CNTNAP2: variants seen among roughly 807,000 people sequenced by gnomAD.
CNTNAP2 encodes contactin associated protein 2.
In CNTNAP2, 98 loss-of-function variants were observed where a neutral mutation model predicts 155.2. That is an observed-to-expected ratio of 0.63 (90% CI 0.54 to 0.75). The LOEUF (loss-of-function observed/expected upper bound fraction) is 0.75, where lower values mean the gene tolerates loss of function less well. Among genes scored for constraint, CNTNAP2 ranks in the 30% least tolerant of loss-of-function variants. The pLI, the probability that CNTNAP2 is intolerant of heterozygous loss-of-function variation, is 0.00. For synonymous variants in CNTNAP2, 651 were observed against 631.2 expected, an observed-to-expected ratio of 1.03 and a Z score of -0.47; for missense variants, 1,727 against 1,688.1, an observed-to-expected ratio of 1.02 and a Z score of -0.40.
At chr7:146,781,236 A>AAC (rs990146926) in intron 2 of CNTNAP2, among the ~76,000 whole-genome samples, 28 of 151,618 alleles carry the variant, frequency 1.8e-4, no homozygotes, top group Non-Finnish European at 3.5e-4. Flanking sequence ...TCAAAAAAAA[A>AAC]AAAACAAAAA....
At chr7:147,659,145 A>C (rs979213973) in intron 13 of CNTNAP2, among the ~76,000 whole-genome samples, 2 of 152,192 alleles carry the variant, frequency 1.3e-5, no homozygotes, top group African/African-American at 4.8e-5. Flanking sequence ...GGAAAGGAAA[A>C]TCTGGGTGGA....
chr7:147,975,139 A>ATT (rs1404856195), intron 14 of CNTNAP2, among the ~76,000 whole-genome samples: 1 of 150,656 alleles, frequency 6.6e-6, no homozygotes, highest in Non-Finnish European at 1.5e-5. Flanking sequence ...TATTTTTTGT[A>ATT]TTATATATAC....
chr7:148,391,676 G>A (rs1799353433), intron 22 of CNTNAP2, among the ~76,000 whole-genome samples: 1 of 152,166 alleles, frequency 6.6e-6, no homozygotes, highest in Non-Finnish European at 1.5e-5. Flanking sequence ...TCAGAATTAT[G>A]GACTCTGTTG....
In CNTNAP2 at chr7:147,035,903, A is replaced by C. The variant is rs143610678; in HGVS notation, c.403-8004A>C. 3.3e-3 allele frequency among the ~76,000 whole-genome samples: 509 copies of C among 152,332 alleles called. 1 individual carries two copies. Among genetic ancestry groups the C allele is most frequent in the African/African-American group, 0.012 (491 of 41,584 alleles). On this transcript the variant is annotated intron_variant, in intron 3 of 23. Coordinates refer to ENST00000361727, the MANE Select transcript of CNTNAP2 (RefSeq NM_014141.6). ...TGTTAGTTCATGCATCATACATAGC[A>C]TACTTCTAGTACTTTATATAGTCTC...
rs1030490219 is a variant in CNTNAP2, at chr7:146,193,316, C to T, written c.97+76343C>T. Reference sequence around the variant, plus strand: ...TCCAACCCCACATTTCTCTTCTGCACTGCCCTAGCAGAGGTTTTCCATGAG... The same window carrying T: ...TCCAACCCCACATTTCTCTTCTGCATTGCCCTAGCAGAGGTTTTCCATGAG... On this transcript the variant is annotated intron_variant, in intron 1 of 23. Transcript: ENST00000361727. Among the ~76,000 whole-genome samples the T allele has an allele frequency of 1.6e-4, 25 of 152,324 alleles. No individual in the cohort carries two copies. The South Asian group carries it at 3.1e-3, about 19-fold the overall frequency.
chr7:146,837,302 A>C (rs1009932043), intron 2 of CNTNAP2, among the ~76,000 whole-genome samples: 1 of 152,010 alleles, frequency 6.6e-6, no homozygotes, highest in East Asian at 1.9e-4. Context: ...ATGGCCCTAC[A>C]TTCTAGTACA....
At chr7:147,165,742 TTGA>T (rs1373041725) in intron 8 of CNTNAP2, among the ~76,000 whole-genome samples, 6 of 152,334 alleles carry the variant, frequency 3.9e-5, no homozygotes, top group African/African-American at 1.4e-4. Flanking sequence ...CTTTCCCAAC[TTGA>T]TGTTTTTGTT....
intron 1 of CNTNAP2, among the ~76,000 whole-genome samples, chr7:146,737,382 TG>T (rs1801638901): frequency 6.6e-6 from 1 of 152,116 alleles, no homozygotes; most frequent in African/African-American, 2.4e-5. Context: ...TTATAACTTC[TG>T]TTAACTGAAA....
At chr7:146,692,460 T>C (rs1033633527) in intron 1 of CNTNAP2, among the ~76,000 whole-genome samples, 6 of 152,156 alleles carry the variant, frequency 3.9e-5, no homozygotes, top group African/African-American at 1.2e-4. Flanking sequence ...AGCCAGAGCA[T>C]GAAATTGGGC....
At chr7:147,217,780 C>T (rs1803306578) in intron 8 of CNTNAP2, among the ~76,000 whole-genome samples, 1 of 151,770 alleles carries the variant, frequency 6.6e-6, no homozygotes, top group Non-Finnish European at 1.5e-5. Context: ...GGACCTGATG[C>T]TTTCTGTTTT....
intron 1 of CNTNAP2, among the ~76,000 whole-genome samples, chr7:146,335,933 C>A (rs1277270978): frequency 6.6e-6 from 1 of 152,044 alleles, no homozygotes; most frequent in African/African-American, 2.4e-5. Context: ...GGCGCGGTGA[C>A]CCACTCTTGT....
chr7:146,901,008 C>T (rs1795980814), intron 3 of CNTNAP2, among the ~76,000 whole-genome samples: 1 of 149,918 alleles, frequency 6.7e-6, no homozygotes, highest in Non-Finnish European at 1.5e-5. Context: ...TAGAAATCAA[C>T]AATGCTATTC....
At chr7:147,221,645 A>C (rs1031986221) in intron 8 of CNTNAP2, among the ~76,000 whole-genome samples, 1 of 152,154 alleles carries the variant, frequency 6.6e-6, no homozygotes, top group African/African-American at 2.4e-5. Context: ...AGTTAAGAAA[A>C]AATTTTAATT....
rs1800094342 is a variant in CNTNAP2, at chr7:148,420,650, T to C, written c.*5034T>C. 6.6e-6 allele frequency: 1 copy of C among 152,528 alleles called. No individual in the cohort carries two copies. The highest frequency in any genetic ancestry group is 2.4e-5 in the African/African-American group (1 of 41,460). 9.4% of individuals were successfully genotyped at this position (152,528 alleles called of 1,614,324 possible). A position where few individuals can be genotyped will look rare whatever the true frequency, so the allele number is the denominator to read the frequency against. ...CAACTGCTGCTTTCGGAGATGGCTG[T>C]GAAAATATGGAAGTTCCTCTCAAGT... On this transcript the variant is annotated 3_prime_UTR_variant, in exon 24 of 24. Coordinates refer to ENST00000361727, the MANE Select transcript of CNTNAP2 (RefSeq NM_014141.6).
chr7:147,863,263 C>A (rs139125225), intron 13 of CNTNAP2, among the ~76,000 whole-genome samples: 4 of 152,130 alleles, frequency 2.6e-5, no homozygotes, highest in Admixed American at 6.5e-5. Flanking sequence ...ATGAACTCAT[C>A]CTTTTTTATG....
At chr7:146,211,239 T>C (rs1799029970) in intron 1 of CNTNAP2, among the ~76,000 whole-genome samples, 1 of 152,176 alleles carries the variant, frequency 6.6e-6, no homozygotes, top group African/African-American at 2.4e-5. Flanking sequence ...TTGACCTTCA[T>C]TTCAGACATC....
At chr7:147,802,071 C>T (rs1466182340) in intron 13 of CNTNAP2, among the ~76,000 whole-genome samples, 7 of 140,632 alleles carry the variant, frequency 5.0e-5, no homozygotes, top group East Asian at 2.0e-4. Context: ...GGGCAGTTGC[C>T]GGGCGGAGGG....
At chr7:147,327,234 A>G (rs575588659) in intron 9 of CNTNAP2, among the ~76,000 whole-genome samples, 1 of 152,274 alleles carries the variant, frequency 6.6e-6, no homozygotes, top group Admixed American at 6.5e-5. Flanking sequence ...TATCTCACTA[A>G]TCCTCATGAT....
intron 1 of CNTNAP2, among the ~76,000 whole-genome samples, chr7:146,391,950 A>C (rs558831994): frequency 6.6e-5 from 10 of 152,186 alleles, no homozygotes; most frequent in African/African-American, 2.4e-4. Flanking sequence ...ACAAGTTTAC[A>C]TAACAAACCT....
Sources: gnomAD v4.1 joint callset for allele counts (sites outside exome capture counted in the v4.1 genomes callset) on GRCh38, gnomAD v4.1.1 for gene constraint, MANE v1.5 for transcripts, NCBI Gene and HGNC (gene_info 2026-07-23, HGNC 2026-07-21) for gene names.